The following CACNA1A variants were observed in gnomAD, a reference collection of about 807,000 sequenced individuals.
The protein encoded by CACNA1A is voltage-dependent P/Q-type calcium channel subunit alpha-1A.
CACNA1A carries 57 observed loss-of-function variants against 262.4 expected under a neutral mutation model. The observed-to-expected ratio is 0.22, with a 90% CI of 0.18 to 0.27. The LOEUF (loss-of-function observed/expected upper bound fraction) is 0.27, where lower values mean the gene tolerates loss of function less well. CACNA1A is among the 10% of genes least tolerant of loss of function. The pLI, the probability that CACNA1A is intolerant of heterozygous loss-of-function variation, is 1.00. For synonymous variants in CACNA1A, 1,431 were observed against 1,419.3 expected, an observed-to-expected ratio of 1.01 and a Z score of -0.18; for missense variants, 2,526 against 3,562.8, an observed-to-expected ratio of 0.71 and a Z score of 7.41.
chr19:13,282,928 G>C (rs908914153), intron 22 of CACNA1A, among the ~76,000 whole-genome samples: 80 of 152,154 alleles, frequency 5.3e-4, no homozygotes, highest in African/African-American at 1.9e-3. Context: ...TCTGAGCACC[G>C]CCCCTGCCCC....
rs185577870 is a variant in CACNA1A at position 13,312,926 on chromosome 19, T to G, written c.1556-145A>C. 2.7e-4 allele frequency: 140 copies of G among 514,568 alleles called. 1 individual carries two copies. The highest frequency in any genetic ancestry group is 2.4e-3 in the Admixed American group (56 of 23,308). The allele number at this position is 514,568 out of a possible 1,614,324, so 31.9% of individuals were successfully genotyped here. On this transcript the variant is annotated intron_variant, in intron 11 of 46. Transcript: ENST00000360228. ...GTCTTGCTATGCTGTTAGGCTGGTTTCAAACTCCTGGCCTCAAACAGTTTC... is the reference window on the plus strand; with the variant it reads ...GTCTTGCTATGCTGTTAGGCTGGTTGCAAACTCCTGGCCTCAAACAGTTTC...
At chr19:13,315,582 G>C (rs1460548304) in intron 11 of CACNA1A, 1 of 152,202 alleles carries the variant, frequency 6.6e-6, no homozygotes, top group Non-Finnish European at 1.5e-5. Flanking sequence ...ACACGAAGTA[G>C]AGTCCTCATT....
rs77219463 is a variant in CACNA1A, at chr19:13,300,927, T to C, written c.2173-271A>G. ...TCCCTTCTCTTCCTACAATGAAGAC[T>C]TTCCTGCAGCCTATTTTTTTTTCTT... On this transcript the variant is annotated intron_variant, in intron 17 of 46. Coordinates refer to ENST00000360228, the MANE Select transcript of CACNA1A (RefSeq NM_001127222.2). 5.7e-3 allele frequency among the ~76,000 whole-genome samples: 855 copies of C among 150,534 alleles called. 14 individuals carry two copies. Among genetic ancestry groups the C allele is most frequent in the African/African-American group, 0.019 (801 of 41,218 alleles).
chr19:13,398,230 C>T (rs2059842363), intron 3 of CACNA1A, among the ~76,000 whole-genome samples: 1 of 150,444 alleles, frequency 6.6e-6, no homozygotes, highest in Admixed American at 6.6e-5. Flanking sequence ...CCATTGCACT[C>T]ATGCCTGGAG....
intron 1 of CACNA1A, among the ~76,000 whole-genome samples, chr19:13,499,450 T>G (rs8100945): frequency 0.63 from 52,009 of 82,764 alleles, 15,328 homozygotes; most frequent in African/African-American, 0.77. Context: ...CAGGGGGTGG[T>G]GGGGGGGGGC....
In CACNA1A at chr19:13,252,759, AGGAACT is replaced by A. The variant is rs957927318; in HGVS notation, c.4866+226_4866+231del. The A allele has an allele frequency of 2.3e-4, 75 of 327,554 alleles. 1 individual carries two copies. Among genetic ancestry groups the A allele is most frequent in the African/African-American group, 1.5e-3 (72 of 47,028 alleles). 20.3% of individuals were successfully genotyped at this position (327,554 alleles called of 1,614,324 possible). On this transcript the variant is annotated intron_variant, in intron 30 of 46. Coordinates refer to ENST00000360228, the MANE Select transcript of CACNA1A (RefSeq NM_001127222.2). Reference sequence around the variant, plus strand: ...AGCCATGATGACTCCCATCATTTTGAGGAACTGGATACATAAGCAGCCATATGGTAA... The same window carrying A: ...AGCCATGATGACTCCCATCATTTTGAGGATACATAAGCAGCCATATGGTAA...
At position 13,357,544 on chromosome 19, in the gene CACNA1A, T is replaced by C. The variant is rs553346757; in HGVS notation, c.978+2062A>G. ...GTGCTCTATGGGGTCACTACAGTTGTGGCATCCTTGTGTTTGATCCTGAAT... is the reference window on the plus strand; with the variant it reads ...GTGCTCTATGGGGTCACTACAGTTGCGGCATCCTTGTGTTTGATCCTGAAT... On this transcript the variant is annotated intron_variant, in intron 6 of 46. Coordinates refer to ENST00000360228, the MANE Select transcript of CACNA1A (RefSeq NM_001127222.2). 4.6e-5 allele frequency among the ~76,000 whole-genome samples: 7 copies of C among 152,320 alleles called. No homozygotes were observed. The East Asian group carries it at 1.2e-3, about 25-fold the overall frequency.
intron 1 of CACNA1A, among the ~76,000 whole-genome samples, chr19:13,480,501 T>C (rs1392191175): frequency 2.0e-5 from 3 of 152,148 alleles, no homozygotes; most frequent in Non-Finnish European, 2.9e-5. Flanking sequence ...TGGTCAAGAA[T>C]AGACTGTTAG....
chr19:13,278,592 T>C (rs2057208001), intron 22 of CACNA1A, among the ~76,000 whole-genome samples: 1 of 152,154 alleles, frequency 6.6e-6, no homozygotes, highest in South Asian at 2.1e-4. Context: ...TGAACATTTG[T>C]TGTAGTTACT....
chr19:13,446,407 T>C (rs1042757512), intron 3 of CACNA1A, among the ~76,000 whole-genome samples: 7 of 151,562 alleles, frequency 4.6e-5, no homozygotes, highest in African/African-American at 1.5e-4. Flanking sequence ...TAGGTCTGCA[T>C]GATGTGTGTG....
intron 3 of CACNA1A, among the ~76,000 whole-genome samples, chr19:13,398,140 G>C (rs2059840362): frequency 6.6e-6 from 1 of 151,930 alleles, no homozygotes; most frequent in Admixed American, 6.6e-5. Context: ...GCGGGCACCT[G>C]TAATTCCAGC....
At chr19:13,430,276 A>G (rs1599436364) in intron 3 of CACNA1A, among the ~76,000 whole-genome samples, 1 of 152,118 alleles carries the variant, frequency 6.6e-6, no homozygotes, top group East Asian at 1.9e-4. Context: ...GCATGATCTC[A>G]GCTCACTGCA....
intron 3 of CACNA1A, among the ~76,000 whole-genome samples, chr19:13,402,883 T>TACACACACAC: frequency 1.3e-5 from 1 of 77,916 alleles, no homozygotes; most frequent in East Asian, 9.7e-4. Flanking sequence ...CATATATATA[T>TACACACACAC]ATATATATAT....
chr19:13,228,601 GAGAGATATAT>G, intron 36 of CACNA1A: 3 of 226,134 alleles, frequency 1.3e-5, no homozygotes, highest in Non-Finnish European at 1.6e-5. Context: ...TAGAGAGAGA[GAGAGATATAT>G]ATATATATAT....
intron 1 of CACNA1A, among the ~76,000 whole-genome samples, chr19:13,464,640 C>T (rs1264818529): frequency 2.0e-5 from 3 of 151,474 alleles, no homozygotes; most frequent in Non-Finnish European, 1.5e-5. Context: ...GCTCCGCCTC[C>T]CAGGTTCACG....
Position 13,224,659 on chromosome 19 carries a change from T to C in CACNA1A, c.5731+8A>G, listed in dbSNP as rs1455125845. On this transcript the variant is annotated splice_region_variant and intron_variant, in intron 38 of 46. Transcript: ENST00000360228. Reference sequence around the variant, plus strand: ...GCCTGTCTGTGCCCGCCCCTGTCCCTTCCTTACCCTTGGCAATCTTGATGT... The same window carrying C: ...GCCTGTCTGTGCCCGCCCCTGTCCCCTCCTTACCCTTGGCAATCTTGATGT... 1 of 1,597,254 alleles carries C rather than the reference T, an allele frequency of 6.3e-7. No homozygotes were observed. The highest frequency in any genetic ancestry group is 1.1e-5 in the South Asian group (1 of 88,874).
At chr19:13,318,439 T>C (rs2058174352) in intron 10 of CACNA1A, among the ~76,000 whole-genome samples, 1 of 152,076 alleles carries the variant, frequency 6.6e-6, no homozygotes, top group Non-Finnish European at 1.5e-5. Flanking sequence ...AAGGAGGACT[T>C]TGGCTTTTAC....
chr19:13,392,322 GC>G (rs1321825117), intron 3 of CACNA1A, among the ~76,000 whole-genome samples: 1 of 152,224 alleles, frequency 6.6e-6, no homozygotes, highest in East Asian at 1.9e-4. Context: ...GCGAGACCTT[GC>G]CAATCACCAG....
chr19:13,264,650 C>G (rs925752272), intron 24 of CACNA1A, among the ~76,000 whole-genome samples: 1 of 152,198 alleles, frequency 6.6e-6, no homozygotes, highest in East Asian at 1.9e-4. Flanking sequence ...TAGAAATGCC[C>G]TTCCTCCACT....
Sources: gnomAD v4.1 joint callset for allele counts (sites outside exome capture counted in the v4.1 genomes callset) on GRCh38, gnomAD v4.1.1 for gene constraint, MANE v1.5 for transcripts, NCBI Gene and HGNC (gene_info 2026-07-23, HGNC 2026-07-21) for gene names.